Variants in KLHL4 observed in about 807,000 individuals in gnomAD.
KLHL4 encodes kelch like family member 4.
A neutral mutation model predicts 45.8 loss-of-function variants in KLHL4; 17 were observed. The ratio of observed to expected loss-of-function variants is 0.37; its 90% confidence interval spans 0.25 to 0.56. The LOEUF is 0.56. Among genes scored for constraint, KLHL4 ranks in the 20% least tolerant of loss-of-function variants. The probability of loss-of-function intolerance (pLI) is 0.79; values close to 1 mark genes in which losing one functional copy is unlikely to be tolerated. For synonymous variants in KLHL4, 224 were observed against 189.9 expected (o/e 1.18, Z -1.47); for missense variants, 544 against 544.9 (o/e 1.00, Z 0.02).
At chrX:87,590,399 A>AT (rs1255219570) in intron 1 of KLHL4, among the ~76,000 whole-genome samples, 1 of 111,715 alleles carries the variant, frequency 9.0e-6, no homozygotes, top group Non-Finnish European at 1.9e-5. Flanking sequence ...AAGACTTAAT[A>AT]TTTTTTAATG....
At chrX:87,535,506 C>G (rs1038284939) in intron 1 of KLHL4, among the ~76,000 whole-genome samples, 1 of 111,592 alleles carries the variant, frequency 9.0e-6, no homozygotes, top group African/African-American at 3.3e-5. Flanking sequence ...TCATTTTATT[C>G]CACTCTTTGC....
At chrX:87,622,603 A>G (rs773808771) in intron 5 of KLHL4, among the ~76,000 whole-genome samples, 180 bp downstream of exon 5, 17 of 111,746 alleles carry the variant, frequency 1.5e-4, no homozygotes, top group African/African-American at 5.2e-4. Flanking sequence ...AAAGACAGAA[A>G]AAAACACGGC....
chrX:87,659,900 G>T (rs1412644754), intron 9 of KLHL4, among the ~76,000 whole-genome samples: 1 of 110,371 alleles, frequency 9.1e-6, no homozygotes, highest in African/African-American at 3.3e-5. Context: ...ATAAAGGCTT[G>T]ATGTATTCTT....
In KLHL4 at chrX:87,544,258, T is replaced by C. The variant is rs752253770; in HGVS notation, c.422+25943T>C. On this transcript the variant is annotated intron_variant, in intron 1 of 10. Coordinates refer to ENST00000373119, the MANE Select transcript of KLHL4 (RefSeq NM_019117.5). ...TGCCTTTGGAAAGGGGAGGGAAGAG[T>C]GGGAAGAGCTGCGTCTTGTGTTTTG... 3.6e-5 allele frequency among the ~76,000 whole-genome samples: 4 copies of C among 110,249 alleles called. No homozygotes were observed. The East Asian group carries it at 1.2e-3, about 32-fold the overall frequency.
rs571528897 is a variant in KLHL4, at chrX:87,660,847, A to AAAAC, written c.1926-3893_1926-3890dup. 1.7e-3 allele frequency among the ~76,000 whole-genome samples: 186 copies of AAAAC among 112,448 alleles called. 3 individuals are homozygous for AAAAC. Among genetic ancestry groups the AAAAC allele is most frequent in the African/African-American group, 2.3e-3 (71 of 30,964 alleles). On this transcript the variant is annotated intron_variant, in intron 9 of 10. Transcript: ENST00000373119. ...CAACAGAATGAGACTCTGTCTTTAA[A>AAAAC]AAACAAACAAACAAACAAACAAACA...
At chrX:87,548,100 A>T (rs1334264531) in intron 1 of KLHL4, among the ~76,000 whole-genome samples, 1 of 111,523 alleles carries the variant, frequency 9.0e-6, no homozygotes, top group Non-Finnish European at 1.9e-5. Context: ...TGAAGAAAGT[A>T]TCCTAAAACC....
At chrX:87,557,478 A>T (rs1212282763) in intron 1 of KLHL4, among the ~76,000 whole-genome samples, 1 of 111,839 alleles carries the variant, frequency 8.9e-6, no homozygotes, top group Non-Finnish European at 1.9e-5. Flanking sequence ...AATACCAGAC[A>T]TCATTTCTTT....
chrX:87,635,830 G>T, intron 9 of KLHL4, 55 bp downstream of exon 9: 3 of 890,842 alleles, frequency 3.4e-6, no homozygotes, highest in Non-Finnish European at 4.6e-6. Flanking sequence ...TAATTTTTTA[G>T]AAATAGAAAG....
In KLHL4 at chrX:87,603,466, A is replaced by C. The variant is rs747681465; in HGVS notation, c.423-10411A>C. 1.3e-3 allele frequency among the ~76,000 whole-genome samples: 150 copies of C among 111,267 alleles called. 1 individual carries two copies. The highest frequency in any genetic ancestry group is 2.0e-3 in the Non-Finnish European group (104 of 52,945). Reference sequence around the variant, plus strand: ...ATTTTTAGTGGTGCCATGTAATACTATTAGGAGAATGGGGGATTTAATAAT... The same window carrying C: ...ATTTTTAGTGGTGCCATGTAATACTCTTAGGAGAATGGGGGATTTAATAAT... On this transcript the variant is annotated intron_variant, in intron 1 of 10. Coordinates refer to ENST00000373119, the MANE Select transcript of KLHL4 (RefSeq NM_019117.5).
rs1043713653 is a variant in KLHL4 at position 87,666,514 on chromosome X, G to A, written c.2137G>A (p.Val713Ile). ...CATTGGAAGAGCTGGTGCATGTGTT[G>A]TAGTGGTGAAGCTACCCTAAAGCTA... ...VNIGRAGACV[V>I]VVKLP The change falls in exon 11 of 11, where the codon GTA (valine) becomes ATA (isoleucine). Residue 713 changes from valine to isoleucine, a missense_variant. Val to Ile is a conservative substitution (Grantham distance 29). Transcript: ENST00000373119. 1.1e-5 allele frequency: 13 copies of A among 1,195,537 alleles called. No homozygotes were observed. The highest frequency in any genetic ancestry group is 1.5e-5 in the Non-Finnish European group (13 of 885,654).
intron 1 of KLHL4, among the ~76,000 whole-genome samples, chrX:87,573,340 A>G (rs982319837): frequency 9.0e-6 from 1 of 111,158 alleles, no homozygotes; most frequent in African/African-American, 3.3e-5. Context: ...TTGAAATACT[A>G]TATAGACAAT....
intron 1 of KLHL4, among the ~76,000 whole-genome samples, chrX:87,553,165 T>C (rs1001874): frequency 0.25 from 27,568 of 109,540 alleles, 2,984 homozygotes; most frequent in East Asian, 0.51. Context: ...GATAATGTGG[T>C]TAGCTCTGGC....
intron 9 of KLHL4, among the ~76,000 whole-genome samples, chrX:87,647,385 G>A (rs956231169): frequency 2.7e-5 from 3 of 111,738 alleles, no homozygotes; most frequent in African/African-American, 9.7e-5. Context: ...CCACTCCTGG[G>A]TATCTATCGA....
At chrX:87,542,817 G>A (rs1931590996) in intron 1 of KLHL4, among the ~76,000 whole-genome samples, 1 of 111,690 alleles carries the variant, frequency 9.0e-6, no homozygotes, top group South Asian at 3.8e-4. Flanking sequence ...GGGGACTGTT[G>A]GGAAGGCATG....
At chrX:87,601,852 T>C (rs1047678682) in intron 1 of KLHL4, among the ~76,000 whole-genome samples, 2 of 111,404 alleles carry the variant, frequency 1.8e-5, no homozygotes, top group African/African-American at 6.5e-5. Flanking sequence ...GTTATTCTTA[T>C]AGAGCCGTGT....
Position 87,517,982 on chromosome X carries a change from C to G in KLHL4, c.89C>G (p.Thr30Ser), listed in dbSNP as rs770597153. ...TTTAGTCATCCTTTTCAAGGTTCCA[C>G]CAACACTGGAAGCTGTCTTCAGCAG... Reference protein sequence around the residue: ...RWFSHPFQGSTNTGSCLQQEG... With the variant: ...RWFSHPFQGSSNTGSCLQQEG... The change falls in exon 1 of 11, where the codon ACC becomes AGC. Residue 30 changes from threonine to serine, a missense_variant. By Grantham distance (58) the Thr-to-Ser change is moderately conservative (BLOSUM62 1). Transcript: ENST00000373119. 1 of 1,209,517 alleles carries G rather than the reference C, an allele frequency of 8.3e-7. No homozygotes were observed. Among genetic ancestry groups the G allele is most frequent in the African/African-American group, 1.8e-5 (1 of 57,098 alleles).
intron 1 of KLHL4, among the ~76,000 whole-genome samples, chrX:87,532,036 G>A (rs951821721): frequency 9.1e-6 from 1 of 109,441 alleles, no homozygotes; most frequent in African/African-American, 3.3e-5. Context: ...TCAATCCTAA[G>A]CCAAAAGAAC....
At chrX:87,550,616 T>C (rs764630915) in intron 1 of KLHL4, among the ~76,000 whole-genome samples, 31 of 111,291 alleles carry the variant, frequency 2.8e-4, no homozygotes, top group African/African-American at 7.2e-4. Context: ...AACAAAATAG[T>C]AGCTAACTGA....
At chrX:87,610,894 T>C (rs1922348045) in intron 1 of KLHL4, among the ~76,000 whole-genome samples, 1 of 110,487 alleles carries the variant, frequency 9.1e-6, no homozygotes. Flanking sequence ...GCCAACATGG[T>C]GAAACCCTGT....
Sources: allele counts gnomAD v4.1 joint callset (sites outside exome capture counted in the v4.1 genomes callset), GRCh38; gene constraint gnomAD v4.1.1; transcripts MANE v1.5; gene names NCBI Gene and HGNC (gene_info 2026-07-23, HGNC 2026-07-21).